Variants in L3HYPDH observed in about 807,000 individuals in gnomAD.
L3HYPDH encodes trans-L-3-hydroxyproline dehydratase, also known as trans-3-hydroxy-L-proline dehydratase.
Under a neutral mutation model 26.5 loss-of-function variants are expected in L3HYPDH, and 32 were observed. The ratio of observed to expected loss-of-function variants is 1.21; its 90% CI spans 0.91 to 1.62. The LOEUF is 1.62. Ranked by LOEUF, L3HYPDH falls within the 40% of genes most tolerant of loss-of-function variation. The pLI, the probability that L3HYPDH is intolerant of heterozygous loss-of-function variation, is 0.00. For missense variants in L3HYPDH, 554 were observed against 476.4 expected (o/e 1.16, Z -1.52); for synonymous variants, 215 against 196.6 (o/e 1.09, Z -0.78).
At chr14:59,501,049 C>T in the L3HYPDH span, 1 of 588,498 alleles carries the variant, frequency 1.7e-6, no homozygotes, top group South Asian at 2.2e-5. Flanking sequence ...CTGGCCACTG[C>T]CTCAGAACCT....
chr14:59,501,176 A>G, the L3HYPDH span: 58 of 1,503,988 alleles, frequency 3.9e-5, no homozygotes, highest in East Asian at 7.8e-4. Flanking sequence ...CATAATACCA[A>G]TGCTTATCTT....
the L3HYPDH span, among the ~76,000 whole-genome samples, chr14:59,502,755 T>TGTTTTTTTTTTTTTTTG: frequency 1.6e-5 from 2 of 122,952 alleles, no homozygotes; most frequent in African/African-American, 3.0e-5. Context: ...ATGAGATTTT[T>TGTTTTTTTTTTTTTTTG]TTTTTTTTTT....
At chr14:59,492,166 T>C in the L3HYPDH span, among the ~76,000 whole-genome samples, 1 of 152,000 alleles carries the variant, frequency 6.6e-6, no homozygotes, top group Non-Finnish European at 1.5e-5. Context: ...TCACAAGCTG[T>C]CCATAACAAT....
At chr14:59,473,912 G>C (rs572100947) in intron 4 of L3HYPDH, among the ~76,000 whole-genome samples, 1 of 152,102 alleles carries the variant, frequency 6.6e-6, no homozygotes, top group Non-Finnish European at 1.5e-5. Flanking sequence ...GAGCCTGGAC[G>C]GGCCCACACA....
At chr14:59,491,897 G>A in the L3HYPDH span, among the ~76,000 whole-genome samples, 1 of 152,224 alleles carries the variant, frequency 6.6e-6, no homozygotes, top group Non-Finnish European at 1.5e-5. Context: ...GAAGCCTAAG[G>A]TAGTAGTGGC....
the L3HYPDH span, among the ~76,000 whole-genome samples, chr14:59,490,916 G>C: frequency 6.6e-6 from 1 of 152,184 alleles, no homozygotes; most frequent in Non-Finnish European, 1.5e-5. Context: ...TATGTTTTGA[G>C]GGAGAGACTT....
intron 4 of L3HYPDH, among the ~76,000 whole-genome samples, chr14:59,473,811 G>A (rs1400270309): frequency 6.6e-6 from 1 of 152,068 alleles, no homozygotes; most frequent in Non-Finnish European, 1.5e-5. Flanking sequence ...AGATGAGAAG[G>A]AAGGTGGGGA....
chr14:59,468,046 T>C (rs1187685148), downstream of L3HYPDH, among the ~76,000 whole-genome samples: 1 of 142,768 alleles, frequency 7.0e-6, no homozygotes, highest in Non-Finnish European at 1.5e-5. Context: ...TGTAGGCAGC[T>C]AGGCATAATG....
chr14:59,491,735 A>G, the L3HYPDH span, among the ~76,000 whole-genome samples: 1 of 152,206 alleles, frequency 6.6e-6, no homozygotes, highest in Non-Finnish European at 1.5e-5. Context: ...TTCTCTTTCA[A>G]AACACAAACC....
chr14:59,475,928 G>A lies in L3HYPDH; in HGVS notation c.880C>T (p.Gln294Ter), dbSNP rs761367011. The change falls in exon 4 of 5, where the codon CAG becomes TAG. Residue 294 changes from glutamine (Q) to a stop codon, truncating the protein, a stop_gained. Transcript: ENST00000247194. LOFTEE classifies it high-confidence loss of function. ...QYHKGLLELNQMRAFKSSATG... is the reference protein window; with the variant it reads ...QYHKGLLELN ...GCACTGCTTTTGAAGGCTCTCATCT[G>A]GTTCAGTTCCAGAAGCCCTTTGTGA... The A allele has an allele frequency of 1.2e-6, 2 of 1,613,882 alleles. No individual in the cohort carries two copies. The highest frequency in any genetic ancestry group is 1.7e-6 in the Non-Finnish European group (2 of 1,179,892).
chr14:59,490,308 A>C, the L3HYPDH span, among the ~76,000 whole-genome samples: 1 of 152,206 alleles, frequency 6.6e-6, no homozygotes, highest in Admixed American at 6.5e-5. Flanking sequence ...CAAGTCATTC[A>C]TGAGGCTTCC....
the L3HYPDH span, chr14:59,498,767 T>C: frequency 6.3e-7 from 1 of 1,598,816 alleles, no homozygotes; most frequent in Admixed American, 1.7e-5. Context: ...CTGCTTGGTA[T>C]TAATGATGCT....
intron 2 of L3HYPDH, among the ~76,000 whole-genome samples, chr14:59,477,539 A>C (rs1406782935): frequency 6.6e-6 from 1 of 152,192 alleles, no homozygotes; most frequent in Non-Finnish European, 1.5e-5. Flanking sequence ...TACACCTTTT[A>C]TTAAGATATC....
the L3HYPDH span, among the ~76,000 whole-genome samples, chr14:59,491,293 C>T: frequency 4.6e-5 from 7 of 152,048 alleles, no homozygotes; most frequent in Non-Finnish European, 1.0e-4. Flanking sequence ...ATAGAGAAGA[C>T]GATGCTGGTG....
chr14:59,494,471 G>C, the L3HYPDH span, among the ~76,000 whole-genome samples: 1 of 152,190 alleles, frequency 6.6e-6, no homozygotes, highest in Non-Finnish European at 1.5e-5. Context: ...CCATTAGTGT[G>C]ATATCATTCA....
At chr14:59,484,702 A>AGGCTCGCCCCTTGACCCCGCC, upstream of L3HYPDH, 1 of 1,369,096 alleles carries the variant, frequency 7.3e-7, no homozygotes, top group Non-Finnish European at 1.0e-6. Flanking sequence ...TTGGCGGCGC[A>AGGCTCGCCCCTTGACCCCGCC]GGCTCGCCCC....
the L3HYPDH span, chr14:59,503,715 T>A: frequency 1.6e-6 from 1 of 615,316 alleles, no homozygotes. Context: ...GAGTGATTTC[T>A]TAAGTCTTTT....
the L3HYPDH span, among the ~76,000 whole-genome samples, chr14:59,499,133 C>T: frequency 6.9e-6 from 1 of 144,356 alleles, no homozygotes; most frequent in African/African-American, 2.6e-5. Context: ...AATTGATTCT[C>T]CTGCCTCAGC....
chr14:59,483,489 C>G, intron 1 of L3HYPDH: 8 of 1,224,168 alleles, frequency 6.5e-6, no homozygotes, highest in Non-Finnish European at 8.3e-6. Flanking sequence ...CCCCACCGTA[C>G]CTTGCTTTAT....
Sources: allele counts gnomAD v4.1 joint callset (sites outside exome capture counted in the v4.1 genomes callset), GRCh38; gene constraint gnomAD v4.1.1; transcripts MANE v1.5; gene names NCBI Gene and HGNC (gene_info 2026-07-23, HGNC 2026-07-21).